Variants in EVC2 observed in about 807,000 individuals in gnomAD.
The protein encoded by EVC2 is limbin.
In EVC2, 148 loss-of-function variants were observed where a neutral mutation model predicts 149.3. That is an observed-to-expected ratio of 0.99 (90% CI 0.87 to 1.14). The LOEUF is 1.14. EVC2 is among the 50% of genes most tolerant of loss of function. The pLI, the probability that EVC2 is intolerant of heterozygous loss-of-function variation, is 0.00. For synonymous variants in EVC2, 776 were observed against 649.9 expected (o/e 1.19, Z -2.95); for missense variants, 1,854 against 1,627.3 (o/e 1.14, Z -2.40).
At chr4:5,541,889 G>A (rs919811184), downstream of EVC2, among the ~76,000 whole-genome samples, 4 of 152,122 alleles carry the variant, frequency 2.6e-5, no homozygotes, top group Admixed American at 1.3e-4. Context: ...TTTATGTCCC[G>A]AGCAATGGAC....
chr4:5,650,604 C>CATATAT (rs66673359), intron 9 of EVC2, among the ~76,000 whole-genome samples: 227 of 52,914 alleles, frequency 4.3e-3, no homozygotes, highest in Non-Finnish European at 6.0e-3. Flanking sequence ...TTTTAATCGC[C>CATATAT]ATATATATAT....
Position 5,569,950 on chromosome 4 carries a change from A to C in EVC2, c.3361-1310T>G, listed in dbSNP as rs976353683. On this transcript the variant is annotated intron_variant, in intron 19 of 21. Transcript: ENST00000344408. This position sits in a 1 kb window ranked among gnomAD's most constrained non-coding sequence, Gnocchi z 4.8. ...ACCGTCCTGCTCGCCCAGGCCACTG[A>C]GCCCTTACCCATGAGCTTCCTTCAG... 2.0e-5 allele frequency among the ~76,000 whole-genome samples: 3 copies of C among 152,122 alleles called. No individual in the cohort carries two copies.
At chr4:5,587,280 C>T (rs976183657) in intron 16 of EVC2, among the ~76,000 whole-genome samples, 1 of 152,190 alleles carries the variant, frequency 6.6e-6, no homozygotes, top group African/African-American at 2.4e-5. Flanking sequence ...GTCCTCCCAC[C>T]CCCAAGTCCT....
intron 12 of EVC2, among the ~76,000 whole-genome samples, chr4:5,627,904 A>C (rs1716233107): frequency 6.6e-6 from 1 of 152,082 alleles, no homozygotes; most frequent in Admixed American, 6.5e-5. Flanking sequence ...ATTTCTCCAG[A>C]ATATGTTGTT....
intron 15 of EVC2, among the ~76,000 whole-genome samples, chr4:5,616,064 C>A (rs1715225228): frequency 6.6e-6 from 1 of 152,116 alleles, no homozygotes; most frequent in African/African-American, 2.4e-5. Flanking sequence ...GAGGGCCAGG[C>A]AGGGAGCCCA....
intron 1 of EVC2, among the ~76,000 whole-genome samples, chr4:5,707,355 A>G (rs1393391885): frequency 2.0e-5 from 3 of 152,096 alleles, no homozygotes; most frequent in Non-Finnish European, 4.4e-5. Context: ...GGGGTAGAGA[A>G]CACAGCAGGA....
chr4:5,645,509 G>A (rs1033352099), intron 9 of EVC2, among the ~76,000 whole-genome samples: 2 of 151,952 alleles, frequency 1.3e-5, no homozygotes, highest in African/African-American at 2.4e-5. Context: ...AGAATACGCG[G>A]TGTTTGGTTT....
Position 5,550,540 on chromosome 4 carries a change from G to A in EVC2, c.3420-7328C>T, listed in dbSNP as rs138551342. ...AGAGGTGACTTGCGTGCTGTTAAAG[G>A]CATTCAGTTTTAAAGGGGAAACAGA... On this transcript the variant is annotated intron_variant and NMD_transcript_variant, in intron 21 of 22. Transcript: ENST00000475313. Among the ~76,000 whole-genome samples the A allele has an allele frequency of 5.1e-3, 781 of 152,274 alleles. 6 individuals carry two copies. The highest frequency in any genetic ancestry group is 8.6e-3 in the Non-Finnish European group (587 of 68,024).
At chr4:5,663,564 G>A (rs866754888) in intron 8 of EVC2, among the ~76,000 whole-genome samples, 1 of 152,218 alleles carries the variant, frequency 6.6e-6, no homozygotes, top group Non-Finnish European at 1.5e-5. Context: ...TTATCAGGTA[G>A]AGGAAACCTC....
At position 5,631,971 on chromosome 4, in the gene EVC2, C is replaced by G. The variant is rs1447785456; in HGVS notation, c.1532G>C (p.Arg511Thr). The change falls in exon 11 of 22, where the codon AGG (arginine) becomes ACG (threonine). Residue 511 changes from arginine (R) to threonine (T), a missense_variant. Physicochemically the swap from Arg to Thr is moderately conservative, Grantham distance 71 (BLOSUM62 -1). Coordinates refer to ENST00000344408, the MANE Select transcript of EVC2 (RefSeq NM_147127.5). ...TTCTTGTTGCAAAGCGAGAGACTTC[C>G]TCAAGTGCTCCTGTTCCAGGCCATG... ...TLHGLEQEHL[R>T]KSLALQQEED... is the part of the protein sequence containing the mutation. The G allele has an allele frequency of 6.2e-7, 1 of 1,614,226 alleles. No homozygotes were observed. The highest frequency in any genetic ancestry group is 8.5e-7 in the Non-Finnish European group (1 of 1,180,044).
Position 5,562,858 on chromosome 4 carries a change from C to A in EVC2, c.3917G>T (p.Gly1306Val), listed in dbSNP as rs1201029801. 1 of 1,614,000 alleles carries A rather than the reference C, an allele frequency of 6.2e-7. No individual in the cohort carries two copies. Reference protein sequence around the residue: ...LNAKKAMRALGMD With the variant: ...LNAKKAMRALVMD ...GGTCTTTCCCTTGGGCTAGTCCATG[C>A]CCAAGGCCCTCATGGCCTTTTTGGC... The change falls in exon 22 of 22, where the codon GGC becomes GTC. Residue 1306 changes from glycine to valine, a missense_variant. Gly to Val is a moderately radical substitution (Grantham distance 109). Transcript: ENST00000344408. The surrounding 1 kb of genome is among the most constrained non-coding windows in gnomAD (Gnocchi z 4.3).
chr4:5,689,194 C>T lies in EVC2; in HGVS notation c.669G>A (p.Ser223=), dbSNP rs143697185. 2.3e-5 allele frequency: 37 copies of T among 1,614,212 alleles called. No homozygotes were observed. In the Admixed American group the frequency reaches 2.5e-4, roughly 11 times the overall value. The change falls in exon 5 of 22, where the codon TCG becomes TCA. Residue 223 remains serine, a synonymous_variant. Transcript: ENST00000344408. Reference sequence around the variant, plus strand: ...TCTTGCTAAAAGCCTGGAATCCTTCCGAGGTCCTGTTTCCCACAGAGTCCC... The same window carrying T: ...TCTTGCTAAAAGCCTGGAATCCTTCTGAGGTCCTGTTTCCCACAGAGTCCC... ...TIWDSVGNRT[S]EGFQAFSKKF...
In EVC2 at chr4:5,605,717, G is replaced by A. The variant is rs1714339010; in HGVS notation, c.2829+9705C>T. ...AGGCATTTTGAGTGACAGCCTTACA[G>A]TCCAACAGATCTGACAAACTTGCCC... On this transcript the variant is annotated intron_variant, in intron 16 of 21. Coordinates refer to ENST00000344408, the MANE Select transcript of EVC2 (RefSeq NM_147127.5). Among the ~76,000 whole-genome samples the A allele has an allele frequency of 2.6e-5, 4 of 152,336 alleles. No individual in the cohort carries two copies. The South Asian group carries it at 8.3e-4, about 32-fold the overall frequency.
At chr4:5,690,022 C>G (rs1156670245) in intron 4 of EVC2, among the ~76,000 whole-genome samples, 3 of 152,178 alleles carry the variant, frequency 2.0e-5, no homozygotes, top group Admixed American at 1.3e-4. Context: ...GATGAGCGAG[C>G]TCTGGAATAT....
chr4:5,699,562 G>C (rs558857149), intron 1 of EVC2, among the ~76,000 whole-genome samples: 5 of 145,844 alleles, frequency 3.4e-5, no homozygotes, highest in African/African-American at 1.3e-4. Flanking sequence ...TGGATGAATG[G>C]ATAAGCTAAA....
In EVC2 at chr4:5,625,912, G is replaced by A. The variant is rs376809175; in HGVS notation, c.1887-4C>T. 1.9e-6 allele frequency: 3 copies of A among 1,613,666 alleles called. No individual in the cohort carries two copies. In the African/African-American group the frequency reaches 4.0e-5, roughly 22 times the overall value. On this transcript the variant is annotated splice_region_variant and splice_polypyrimidine_tract_variant and intron_variant, in intron 12 of 21. Transcript: ENST00000344408. The surrounding 1 kb of genome is among the most constrained non-coding windows in gnomAD (Gnocchi z 4.0). ...GTCTTCATCCAGGTACCCTGCTCTA[G>A]ATGGAAAGGATGTAAAGTTAGGAAT... is the stretch of plus-strand genomic sequence containing the variant.
intron 17 of EVC2, among the ~76,000 whole-genome samples, chr4:5,584,330 T>C (rs191901430): frequency 2.2e-4 from 34 of 152,312 alleles, no homozygotes; most frequent in African/African-American, 7.5e-4. Flanking sequence ...AGATACACTG[T>C]TGTCCTCCCT....
At chr4:5,548,100 C>T (rs149162444) in intron 21 of EVC2, among the ~76,000 whole-genome samples, 115 of 152,164 alleles carry the variant, frequency 7.6e-4, no homozygotes, top group East Asian at 1.6e-3. Context: ...CTGGACCCCT[C>T]GCTGGTTCAC....
intron 1 of EVC2, among the ~76,000 whole-genome samples, chr4:5,699,332 C>T (rs1016127091): frequency 1.3e-5 from 2 of 152,048 alleles, no homozygotes; most frequent in South Asian, 2.1e-4. Flanking sequence ...TTATGGGCAG[C>T]GTAAAGAATT....
Sources: allele counts gnomAD v4.1 joint callset (sites outside exome capture counted in the v4.1 genomes callset), GRCh38; gene constraint gnomAD v4.1.1; non-coding constraint Gnocchi (gnomAD v3.1); transcripts MANE v1.5; gene names NCBI Gene and HGNC (gene_info 2026-07-23, HGNC 2026-07-21).